Variants in NPIPB8 observed in about 807,000 individuals in gnomAD.
NPIPB8 encodes nuclear pore complex-interacting protein family member B8.
In NPIPB8, 3 loss-of-function variants were observed where a neutral mutation model predicts 5.3. The ratio of observed to expected loss-of-function variants is 0.57; its 90% CI spans 0.26 to 1.47. The LOEUF (loss-of-function observed/expected upper bound fraction) is 1.47. Among genes scored for constraint, NPIPB8 ranks in the 40% most tolerant of loss-of-function variants. The pLI is 0.13. For synonymous variants in NPIPB8, 18 were observed against 23.0 expected, an observed-to-expected ratio of 0.78 and a Z score of 0.62; for missense variants, 50 against 50.2, an observed-to-expected ratio of 1.00 and a Z score of 0.01.
At chr16:28,645,385 A>G (rs1262785481) in intron 2 of NPIPB8, among the ~76,000 whole-genome samples, 578 of 51,400 alleles carry the variant, frequency 0.011, no homozygotes, top group African/African-American at 0.04. Flanking sequence ...CACCAGCATA[A>G]ACCGACCCCC....
intron 2 of NPIPB8, among the ~76,000 whole-genome samples, chr16:28,639,093 A>G (rs2047845597): frequency 6.7e-6 from 1 of 149,202 alleles, no homozygotes; most frequent in South Asian, 2.1e-4. Context: ...ATTATCCTGC[A>G]AAATTTGAAA....
chr16:28,642,216 C>A (rs1437916345), intron 2 of NPIPB8, among the ~76,000 whole-genome samples: 1 of 151,602 alleles, frequency 6.6e-6, no homozygotes, highest in Non-Finnish European at 1.5e-5. Flanking sequence ...AGGGATTGTC[C>A]TGCCTCAGCC....
At chr16:28,642,136 C>T (rs529132830) in intron 2 of NPIPB8, among the ~76,000 whole-genome samples, 5 of 150,888 alleles carry the variant, frequency 3.3e-5, no homozygotes, top group Non-Finnish European at 7.4e-5. Context: ...AGTCTCATTC[C>T]ATTCTGTCAC....
chr16:28,639,594 T>G (rs1178714055), intron 2 of NPIPB8, among the ~76,000 whole-genome samples: 2 of 131,052 alleles, frequency 1.5e-5, no homozygotes, highest in African/African-American at 5.7e-5. Context: ...TAGCTGGGAC[T>G]ACAGGTGTGC....
chr16:28,640,132 A>G (rs1391400991), intron 2 of NPIPB8, among the ~76,000 whole-genome samples: 2 of 151,864 alleles, frequency 1.3e-5, no homozygotes, highest in Admixed American at 1.3e-4. Flanking sequence ...GCTGGAACTG[A>G]AACCTATGTG....
chr16:28,642,265 C>A (rs889960826), intron 2 of NPIPB8, among the ~76,000 whole-genome samples: 1 of 151,726 alleles, frequency 6.6e-6, no homozygotes, highest in Non-Finnish European at 1.5e-5. Context: ...GCCACCATGC[C>A]TGGCTAATTT....
intron 2 of NPIPB8, among the ~76,000 whole-genome samples, chr16:28,640,980 G>C (rs1238552540): frequency 6.6e-6 from 1 of 152,052 alleles, no homozygotes; most frequent in African/African-American, 2.4e-5. Flanking sequence ...CAAGTCTCCT[G>C]TTCCTTTCAG....
chr16:28,639,360 T>A (rs1293430440), intron 2 of NPIPB8, among the ~76,000 whole-genome samples: 1 of 149,766 alleles, frequency 6.7e-6, no homozygotes, highest in African/African-American at 2.5e-5. Context: ...AAAATAATAA[T>A]CTCAAAAATG....
At chr16:28,642,008 T>A (rs553647596) in intron 2 of NPIPB8, among the ~76,000 whole-genome samples, 1 of 150,504 alleles carries the variant, frequency 6.6e-6, no homozygotes, top group Non-Finnish European at 1.5e-5. Flanking sequence ...TCATGGACAT[T>A]ATAGTACTCT....
At chr16:28,642,181 C>T (rs183305387) in intron 2 of NPIPB8, among the ~76,000 whole-genome samples, 3 of 151,696 alleles carry the variant, frequency 2.0e-5, no homozygotes, top group Admixed American at 1.3e-4. Context: ...TCTCGGCTCA[C>T]TGCAACCTCC....
At chr16:28,642,015 C>T (rs973231048) in intron 2 of NPIPB8, among the ~76,000 whole-genome samples, 1 of 150,946 alleles carries the variant, frequency 6.6e-6, no homozygotes, top group Non-Finnish European at 1.5e-5. Flanking sequence ...CATTATAGTA[C>T]TCTCTGCCAT....
intron 2 of NPIPB8, among the ~76,000 whole-genome samples, chr16:28,642,926 A>C (rs892583053): frequency 1.3e-5 from 2 of 152,198 alleles, no homozygotes; most frequent in African/African-American, 4.8e-5. Flanking sequence ...GATTTAAAGC[A>C]GTGGTTTTCA....
chr16:28,642,463 A>T (rs2411431), intron 2 of NPIPB8, among the ~76,000 whole-genome samples: 56,097 of 149,798 alleles, frequency 0.37, 13,055 homozygotes, highest in African/African-American at 0.66. Flanking sequence ...ATAGTTTTGT[A>T]AACCCTGTTT....
chr16:28,642,940 G>T (rs888954324), intron 2 of NPIPB8, among the ~76,000 whole-genome samples: 5 of 152,180 alleles, frequency 3.3e-5, no homozygotes, highest in Admixed American at 2.6e-4. Context: ...GTTTTCAGCT[G>T]CCAGAGGCCT....
intron 1 of NPIPB8, 68 bp downstream of exon 1, chr16:28,638,218 G>A: frequency 2.1e-6 from 3 of 1,450,970 alleles, no homozygotes; most frequent in Non-Finnish European, 2.7e-6. Flanking sequence ...TTTGAACTTG[G>A]TTCTGTCCTT....
chr16:28,642,481 G>C (rs1201691287), intron 2 of NPIPB8, among the ~76,000 whole-genome samples: 8 of 150,594 alleles, frequency 5.3e-5, no homozygotes, highest in Admixed American at 2.0e-4. Context: ...TTTTTTGTTT[G>C]TTTGTAGTTG....
chr16:28,640,136 C>T (rs1414227914), intron 2 of NPIPB8, among the ~76,000 whole-genome samples: 1 of 151,828 alleles, frequency 6.6e-6, no homozygotes, highest in Admixed American at 6.6e-5. Flanking sequence ...GAACTGAAAC[C>T]TATGTGTGTC....
At chr16:28,640,813 G>A (rs1466335245) in intron 2 of NPIPB8, among the ~76,000 whole-genome samples, 2 of 152,132 alleles carry the variant, frequency 1.3e-5, no homozygotes, top group Non-Finnish European at 2.9e-5. Flanking sequence ...AGAATCAATT[G>A]AGTGACATTG....
rs1393439734 is a variant in NPIPB8 at position 28,645,212 on chromosome 16, G to T, written c.121-2923G>T. 2.4e-5 allele frequency among the ~76,000 whole-genome samples: 3 copies of T among 125,532 alleles called. No individual in the cohort carries two copies. In the East Asian group the frequency reaches 6.2e-4, roughly 26 times the overall value. 82.4% of individuals were successfully genotyped at this position (125,532 alleles called of 152,430 possible). A position where few individuals can be genotyped will look rare whatever the true frequency, so the allele number is the denominator to read the frequency against. Reference sequence around the variant, plus strand: ...CGCCTGGCTAATTTTTGTATTTTTAGTAGAGACGGGGTTTCACCATGTTCG... The same window carrying T: ...CGCCTGGCTAATTTTTGTATTTTTATTAGAGACGGGGTTTCACCATGTTCG... On this transcript the variant is annotated intron_variant, in intron 2 of 7. Transcript: ENST00000683297.
Sources: gnomAD v4.1 joint callset for allele counts (sites outside exome capture counted in the v4.1 genomes callset) on GRCh38, gnomAD v4.1.1 for gene constraint, MANE v1.5 for transcripts, NCBI Gene and HGNC (gene_info 2026-07-23, HGNC 2026-07-21) for gene names.